Variants in CAMKK2 observed in about 807,000 individuals in gnomAD.
CAMKK2 encodes the protein calcium/calmodulin dependent protein kinase kinase 2.
Under a neutral mutation model 67.2 loss-of-function variants are expected in CAMKK2, and 30 were observed. The ratio of observed to expected loss-of-function variants is 0.45; its 90% CI spans 0.33 to 0.61. CAMKK2 has a LOEUF of 0.61. Ranked by LOEUF, CAMKK2 falls within the 20% of genes least tolerant of loss-of-function variation. CAMKK2 has a pLI of 0.02. For missense variants in CAMKK2, 643 were observed against 802.0 expected, an observed-to-expected ratio of 0.80 and a Z score of 2.39; for synonymous variants, 322 against 326.2, an observed-to-expected ratio of 0.99 and a Z score of 0.14.
Position 121,245,038 on chromosome 12 carries a change from A to G in CAMKK2, c.1553+102T>C. Reference sequence around the variant, plus strand: ...TTTCATCTGAGTCTCTCCAGATGGCACCACTTCAGGGAGGACCTGTGCAGA... The same window carrying G: ...TTTCATCTGAGTCTCTCCAGATGGCGCCACTTCAGGGAGGACCTGTGCAGA... On this transcript the variant is annotated intron_variant, in intron 15 of 16. Coordinates refer to ENST00000404169, the MANE Select transcript of CAMKK2 (RefSeq NM_001270485.2). This position sits in a 1 kb window ranked among gnomAD's most constrained non-coding sequence, Gnocchi z 5.8. The G allele has an allele frequency of 2.5e-6, 2 of 793,404 alleles. No homozygotes were observed. Among genetic ancestry groups the G allele is most frequent in the Non-Finnish European group, 4.2e-6 (2 of 475,662 alleles). The allele number at this position is 793,404 out of a possible 1,614,324, so 49.1% of individuals were successfully genotyped here.
At chr12:121,261,906 A>G (rs1437451700) in intron 6 of CAMKK2, among the ~76,000 whole-genome samples, 1 of 152,204 alleles carries the variant, frequency 6.6e-6, no homozygotes, top group Non-Finnish European at 1.5e-5. Context: ...CAGCACGGTG[A>G]CAAGTCCTTG....
At chr12:121,257,181 G>A (rs900899848) in intron 7 of CAMKK2, among the ~76,000 whole-genome samples, 16 of 152,030 alleles carry the variant, frequency 1.1e-4, no homozygotes, top group African/African-American at 3.4e-4. Flanking sequence ...ACTGCATGCC[G>A]GTATTAAAAC....
In CAMKK2 at chr12:121,246,906, C is replaced by T. The variant is rs1232158458; in HGVS notation, c.1453-1666G>A. Reference sequence around the variant, plus strand: ...TATGCCTGGCACACACTGGCTGCTCCGTGTTTGCTAAATGATGAACACATG... The same window carrying T: ...TATGCCTGGCACACACTGGCTGCTCTGTGTTTGCTAAATGATGAACACATG... On this transcript the variant is annotated intron_variant, in intron 14 of 16. Coordinates refer to ENST00000404169, the MANE Select transcript of CAMKK2 (RefSeq NM_001270485.2). 3.3e-5 allele frequency among the ~76,000 whole-genome samples: 5 copies of T among 151,458 alleles called. No individual in the cohort carries two copies. In the East Asian group the frequency reaches 5.9e-4, roughly 18 times the overall value.
Position 121,274,170 on chromosome 12 carries a change from T to C in CAMKK2, c.357A>G (p.Gly119=). 1.3e-6 allele frequency: 2 copies of C among 1,597,842 alleles called. No homozygotes were observed. The highest frequency in any genetic ancestry group is 1.1e-5 in the South Asian group (1 of 89,708). The change falls in exon 2 of 17, where the codon GGA becomes GGG. Residue 119 remains glycine (G), a synonymous_variant. Transcript: ENST00000404169. ...LAAGGSLDMN[G]RCICPSLPYS... Reference sequence around the variant, plus strand: ...AGGGCAGGGACGGGCAGATGCAGCGTCCGTTCATGTCCAGGCTGCCACCGG... The same window carrying C: ...AGGGCAGGGACGGGCAGATGCAGCGCCCGTTCATGTCCAGGCTGCCACCGG...
At position 121,258,974 on chromosome 12, in the gene CAMKK2, C is replaced by A. The variant is rs149214034; in HGVS notation, c.796+1345G>T. 9.5e-4 allele frequency among the ~76,000 whole-genome samples: 145 copies of A among 151,840 alleles called. 1 individual carries two copies. Among genetic ancestry groups the A allele is most frequent in the African/African-American group, 3.4e-3 (139 of 41,378 alleles). On this transcript the variant is annotated intron_variant, in intron 7 of 16. Coordinates refer to ENST00000404169, the MANE Select transcript of CAMKK2 (RefSeq NM_001270485.2). ...TCTCGTGCCTCAGCCTCCCGAGTAG[C>A]CAAGATTATAGGTGCACACCCCCAT...
At chr12:121,267,212 C>A (rs561280643) in intron 5 of CAMKK2, among the ~76,000 whole-genome samples, 3 of 145,280 alleles carry the variant, frequency 2.1e-5, no homozygotes, top group South Asian at 4.4e-4. Context: ...TGGGTTCCAG[C>A]GATTCTCCTG....
intron 5 of CAMKK2, among the ~76,000 whole-genome samples, chr12:121,266,573 T>C (rs1183742867): frequency 1.3e-5 from 2 of 151,010 alleles, no homozygotes; most frequent in African/African-American, 4.9e-5. Context: ...CTCGGCTCAG[T>C]GTAACCTCTG....
In CAMKK2 at chr12:121,240,310, G is replaced by A. The variant is rs200991431; in HGVS notation, c.*389C>T. The A allele has an allele frequency of 2.2e-4, 194 of 882,604 alleles. No homozygotes were observed. The African/African-American group carries it at 2.9e-3, about 13-fold the overall frequency. 54.7% of individuals were successfully genotyped at this position (882,604 alleles called of 1,614,324 possible). On this transcript the variant is annotated 3_prime_UTR_variant, in exon 17 of 17. Transcript: ENST00000404169. The surrounding 1 kb of genome is among the most constrained non-coding windows in gnomAD (Gnocchi z 4.4). ...ACCACCTCCATGGCCTCAGACCGCC[G>A]GAGTTTTCTGCTCGCCTTTCCACAG... is the stretch of plus-strand genomic sequence containing the variant.
rs201486189 is a variant in CAMKK2, at chr12:121,243,788, G to A, written c.1596+785C>T. Reference sequence around the variant, plus strand: ...GAAACCACTGAATCATACACTTCCCGTGGGTGAATTACATGGTATGTGAAT... The same window carrying A: ...GAAACCACTGAATCATACACTTCCCATGGGTGAATTACATGGTATGTGAAT... On this transcript the variant is annotated intron_variant, in intron 16 of 16. Coordinates refer to ENST00000404169, the MANE Select transcript of CAMKK2 (RefSeq NM_001270485.2). 59 of 950,784 alleles carry A rather than the reference G, an allele frequency of 6.2e-5. 2 individuals are homozygous for A. The South Asian group carries it at 8.6e-4, about 14-fold the overall frequency. The allele number at this position is 950,784 out of a possible 1,614,324, so 58.9% of individuals were successfully genotyped here.
intron 5 of CAMKK2, among the ~76,000 whole-genome samples, chr12:121,264,293 G>A (rs1054891124): frequency 6.6e-6 from 1 of 152,184 alleles, no homozygotes; most frequent in African/African-American, 2.4e-5. Context: ...CTCAGTTTTT[G>A]CAGTCCATAA....
chr12:121,280,407 T>C (rs1337054335), intron 1 of CAMKK2, among the ~76,000 whole-genome samples: 1 of 152,186 alleles, frequency 6.6e-6, no homozygotes, highest in Non-Finnish European at 1.5e-5. Flanking sequence ...GATAATTGCA[T>C]TAACTGCACA....
In CAMKK2 at chr12:121,263,797, C is replaced by G. The variant is rs80021297; in HGVS notation, c.759+9G>C. On this transcript the variant is annotated intron_variant, in intron 6 of 16. Coordinates refer to ENST00000404169, the MANE Select transcript of CAMKK2 (RefSeq NM_001270485.2). The stretch of plus-strand genomic sequence containing the variant: ...CCTCCCTCCCTCCTGGGCGCCTCCA[C>G]CCTTTTACCTCCACCAGCTTCACCA... 4,395 of 1,601,132 alleles carry G rather than the reference C, an allele frequency of 2.7e-3. 118 individuals are homozygous for G. In the African/African-American group the frequency reaches 0.048, roughly 18 times the overall value.
chr12:121,276,565 A>G (rs1390882252), intron 1 of CAMKK2, among the ~76,000 whole-genome samples: 3 of 152,228 alleles, frequency 2.0e-5, no homozygotes, highest in African/African-American at 7.2e-5. Flanking sequence ...AACGTGTTTG[A>G]CAAATTCTGC....
intron 9 of CAMKK2, among the ~76,000 whole-genome samples, chr12:121,255,318 A>ATATATAATTT (rs1566059637): frequency 5.1e-5 from 1 of 19,532 alleles, no homozygotes; most frequent in Non-Finnish European, 8.1e-5. Context: ...ATATAATTTT[A>ATATATAATTT]TATATATATA....
Position 121,253,228 on chromosome 12 carries a change from A to T in CAMKK2, c.1107+45T>A. 6.4e-7 allele frequency: 1 copy of T among 1,556,164 alleles called. No homozygotes were observed. Among genetic ancestry groups the T allele is most frequent in the Non-Finnish European group, 8.9e-7 (1 of 1,128,416 alleles). The stretch of plus-strand genomic sequence containing the variant: ...TTCTGCTGCTTACAATCCAGAAGAC[A>T]CTAACACAGGCAGAACTCTGTGGCT... On this transcript the variant is annotated intron_variant, in intron 10 of 16. Coordinates refer to ENST00000404169, the MANE Select transcript of CAMKK2 (RefSeq NM_001270485.2). The surrounding 1 kb of genome is among the most constrained non-coding windows in gnomAD (Gnocchi z 5.0).
chr12:121,246,594 C>T (rs1889525680), intron 14 of CAMKK2, among the ~76,000 whole-genome samples: 4 of 152,072 alleles, frequency 2.6e-5, no homozygotes, highest in Non-Finnish European at 5.9e-5. Flanking sequence ...TACTGAGGTT[C>T]TTACAGTCAC....
chr12:121,245,106 A>G lies in CAMKK2; in HGVS notation c.1553+34T>C. 1.4e-6 allele frequency: 2 copies of G among 1,450,372 alleles called. No individual in the cohort carries two copies. The highest frequency in any genetic ancestry group is 1.9e-6 in the Non-Finnish European group (2 of 1,050,752). The allele number at this position is 1,450,372 out of a possible 1,614,324, so 89.8% of individuals were successfully genotyped here. A position where few individuals can be genotyped will look rare whatever the true frequency, so the allele number is the denominator to read the frequency against. On this transcript the variant is annotated intron_variant, in intron 15 of 16. Coordinates refer to ENST00000404169, the MANE Select transcript of CAMKK2 (RefSeq NM_001270485.2). The surrounding 1 kb of genome is among the most constrained non-coding windows in gnomAD (Gnocchi z 5.8). The stretch of plus-strand genomic sequence containing the variant: ...GCCCCAAGCCTAGCCTCCAGCCACC[A>G]CTCCCCCACCCAAGAAGGCAGGCGG...
rs755249627 is a variant in CAMKK2 at position 121,240,667 on chromosome 12, G to T, written c.*32C>A. The stretch of plus-strand genomic sequence containing the variant: ...TGCAGCAGCCCCCCAGAGGCGACGC[G>T]GCGCGCATGCGAGGTCGAGCGATCC... On this transcript the variant is annotated 3_prime_UTR_variant, in exon 17 of 17. Coordinates refer to ENST00000404169, the MANE Select transcript of CAMKK2 (RefSeq NM_001270485.2). The surrounding 1 kb of genome is among the most constrained non-coding windows in gnomAD (Gnocchi z 4.4). 1 of 1,560,994 alleles carries T rather than the reference G, an allele frequency of 6.4e-7. No homozygotes were observed. Among genetic ancestry groups the T allele is most frequent in the Non-Finnish European group, 8.6e-7 (1 of 1,158,856 alleles).
rs1384174347 is a variant in CAMKK2 at position 121,274,062 on chromosome 12, A to C, written c.465T>G (p.Gly155=). ...TVESHHVSIT[G]MQDCVQLNQY... ...TCACCACCGGCTCACGCACCTGCAT[A>C]CCCGTGATGGAGACGTGGTGAGACT... Residue 155 remains glycine, a synonymous_variant, in exon 2 of 17, where the codon GGT becomes GGG. Coordinates refer to ENST00000404169, the MANE Select transcript of CAMKK2 (RefSeq NM_001270485.2). 2 of 1,497,620 alleles carry C rather than the reference A, an allele frequency of 1.3e-6. No individual in the cohort carries two copies. The highest frequency in any genetic ancestry group is 1.8e-6 in the Non-Finnish European group (2 of 1,123,188). The allele number at this position is 1,497,620 out of a possible 1,614,324, so 92.8% of individuals were successfully genotyped here.
Sources: gnomAD v4.1 joint callset for allele counts (sites outside exome capture counted in the v4.1 genomes callset) on GRCh38, gnomAD v4.1.1 for gene constraint, Gnocchi (gnomAD v3.1) non-coding constraint, MANE v1.5 for transcripts, NCBI Gene and HGNC (gene_info 2026-07-23, HGNC 2026-07-21) for gene names.